Variants in MTAP observed in about 807,000 individuals in gnomAD.
The protein encoded by MTAP is S-methyl-5'-thioadenosine phosphorylase.
A neutral mutation model predicts 33.6 loss-of-function variants in MTAP; 33 were observed. The ratio of observed to expected loss-of-function variants is 0.98; its 90% CI spans 0.74 to 1.31. The LOEUF (loss-of-function observed/expected upper bound fraction) is 1.31. MTAP is among the 40% of genes most tolerant of loss of function. The probability of loss-of-function intolerance (pLI) is 0.00; values close to 1 mark genes in which losing one functional copy is unlikely to be tolerated. For missense variants in MTAP, 367 were observed against 360.0 expected, an observed-to-expected ratio of 1.02 and a Z score of -0.16; for synonymous variants, 148 against 125.7, an observed-to-expected ratio of 1.18 and a Z score of -1.19.
intron 1 of MTAP, among the ~76,000 whole-genome samples, chr9:21,887,883 T>G (rs1343973658): frequency 6.6e-6 from 1 of 151,832 alleles, no homozygotes; most frequent in Non-Finnish European, 1.5e-5. Flanking sequence ...TGTGGGGGGG[T>G]TGCAGCTATT....
intron 6 of MTAP, among the ~76,000 whole-genome samples, chr9:21,857,621 G>C (rs774865001): frequency 8.5e-5 from 13 of 152,168 alleles, no homozygotes; most frequent in Admixed American, 1.3e-4. Flanking sequence ...AATAGCACGA[G>C]CTTCCATGAA....
At chr9:21,914,223 C>T (rs984459664) in intron 1 of MTAP, among the ~76,000 whole-genome samples, 2 of 152,130 alleles carry the variant, frequency 1.3e-5, no homozygotes, top group Non-Finnish European at 2.9e-5. Flanking sequence ...GACAGTGTGG[C>T]GATTCCTCAA....
Position 21,854,567 on chromosome 9 carries a change from G to A in MTAP, c.451-64G>A, listed in dbSNP as rs565197837. 2.3e-5 allele frequency: 33 copies of A among 1,465,770 alleles called. 1 individual carries two copies. In the South Asian group the frequency reaches 5.0e-4, roughly 22 times the overall value. 90.8% of individuals were successfully genotyped at this position (1,465,770 alleles called of 1,614,324 possible). On this transcript the variant is annotated intron_variant, in intron 5 of 7. Transcript: ENST00000644715. ...AAATCAACTTGGTAAACATTGGGGG[G>A]AAGTGCAGCCTTAAGTTGTGCATGT... is the stretch of plus-strand genomic sequence containing the variant.
chr9:21,829,118 C>T (rs73649991), intron 4 of MTAP, among the ~76,000 whole-genome samples: 12,508 of 152,124 alleles, frequency 0.082, 1,717 homozygotes, highest in African/African-American at 0.28. Context: ...TGTATTGAGA[C>T]GGGCATCTCC....
chr9:21,816,622 G>T, intron 2 of MTAP, 92 bp from the exon 3 acceptor site: 1 of 1,075,434 alleles, frequency 9.3e-7, no homozygotes, highest in Non-Finnish European at 1.4e-6. Context: ...AGACTCTTCA[G>T]ATTCCATGAG....
chr9:21,940,912 C>T (rs1011252799), downstream of MTAP: 5 of 691,518 alleles, frequency 7.2e-6, no homozygotes, highest in African/African-American at 7.8e-5. Context: ...TTTCTTCCCC[C>T]AACCCCCAGA....
At chr9:21,876,027 G>T (rs1408996061) in intron 1 of MTAP, among the ~76,000 whole-genome samples, 3 of 152,076 alleles carry the variant, frequency 2.0e-5, no homozygotes, top group Non-Finnish European at 4.4e-5. Flanking sequence ...AACCTCGTCA[G>T]CATCTGTTAT....
intron 7 of MTAP, chr9:21,859,829 T>A: frequency 6.5e-6 from 1 of 154,550 alleles, no homozygotes; most frequent in Non-Finnish European, 1.4e-5. Flanking sequence ...CTGACAATAG[T>A]ACCAAAATGG....
intron 1 of MTAP, among the ~76,000 whole-genome samples, chr9:21,882,357 A>G (rs1328695896): frequency 6.6e-6 from 1 of 152,032 alleles, no homozygotes; most frequent in Non-Finnish European, 1.5e-5. Context: ...TACAACCTTT[A>G]AAAAGTTTTA....
At chr9:21,841,042 A>C (rs917608054) in intron 5 of MTAP, among the ~76,000 whole-genome samples, 1 of 152,142 alleles carries the variant, frequency 6.6e-6, no homozygotes, top group Non-Finnish European at 1.5e-5. Context: ...ACATAAACCC[A>C]GTGGCCTGAC....
chr9:21,893,809 T>A (rs1818238074), intron 1 of MTAP: 1 of 151,640 alleles, frequency 6.6e-6, no homozygotes, highest in Admixed American at 6.6e-5. Context: ...AGCTGAATTC[T>A]ACCATATGTA....
intron 2 of MTAP, among the ~76,000 whole-genome samples, chr9:21,816,321 C>A (rs1193608776): frequency 1.3e-5 from 2 of 152,170 alleles, no homozygotes; most frequent in East Asian, 3.8e-4. Context: ...GCAGACATTT[C>A]CAGTGCTGAA....
intron 7 of MTAP, 41 bp from the exon 8 acceptor site, chr9:21,861,935 C>T (rs199655299): frequency 1.3e-5 from 15 of 1,115,198 alleles, no homozygotes; most frequent in South Asian, 7.7e-5. Flanking sequence ...TCAGTAATTA[C>T]GCCAACATGT....
chr9:21,802,962 A>G, intron 1 of MTAP, 181 bp downstream of exon 1: 2 of 1,331,814 alleles, frequency 1.5e-6, no homozygotes, highest in Non-Finnish European at 1.9e-6. Context: ...TACGCTTGCA[A>G]ATGATCCCCC....
chr9:21,859,173 C>G, intron 6 of MTAP, 130 bp from the exon 7 acceptor site: 4 of 1,340,530 alleles, frequency 3.0e-6, no homozygotes, highest in Non-Finnish European at 4.1e-6. Context: ...ATTGAGGATT[C>G]GGTTTCAGCA....
At chr9:21,909,439 A>G (rs1309098199) in intron 1 of MTAP, among the ~76,000 whole-genome samples, 1 of 152,152 alleles carries the variant, frequency 6.6e-6, no homozygotes, top group Non-Finnish European at 1.5e-5. Flanking sequence ...GGTACTCTAT[A>G]ATGGTTTTGC....
chr9:21,912,250 GAA>G (rs1336009338), intron 1 of MTAP, among the ~76,000 whole-genome samples: 1 of 152,086 alleles, frequency 6.6e-6, no homozygotes, highest in Admixed American at 6.5e-5. Flanking sequence ...CCAATCAACA[GAA>G]AAAGAGGGAA....
intron 4 of MTAP, among the ~76,000 whole-genome samples, chr9:21,821,449 C>T (rs1162402870): frequency 6.6e-6 from 1 of 152,198 alleles, no homozygotes; most frequent in Non-Finnish European, 1.5e-5. Flanking sequence ...GTATGTTGAA[C>T]CAGCCTTGCA....
At chr9:21,875,312 C>T (rs1313962676) in intron 1 of MTAP, among the ~76,000 whole-genome samples, 1 of 152,088 alleles carries the variant, frequency 6.6e-6, no homozygotes, top group African/African-American at 2.4e-5. Flanking sequence ...GATGGTATCT[C>T]ATGGTGGTTT....
Sources: gnomAD v4.1 joint callset for allele counts (sites outside exome capture counted in the v4.1 genomes callset) on GRCh38, gnomAD v4.1.1 for gene constraint, MANE v1.5 for transcripts, NCBI Gene and HGNC (gene_info 2026-07-23, HGNC 2026-07-21) for gene names.